Variants in DNAJC12 observed in about 807,000 individuals in gnomAD.
The protein encoded by DNAJC12 is DnaJ heat shock protein family (Hsp40) member C12.
In DNAJC12, 25 loss-of-function variants were observed where a neutral mutation model predicts 28.5. The ratio of observed to expected loss-of-function variants is 0.88; its 90% CI spans 0.64 to 1.22. The LOEUF is 1.22. Among genes scored for constraint, DNAJC12 ranks in the 50% most tolerant of loss-of-function variants. The probability of loss-of-function intolerance (pLI) is 0.00; values close to 1 mark genes in which losing one functional copy is unlikely to be tolerated. For missense variants in DNAJC12, 222 were observed against 231.7 expected, an observed-to-expected ratio of 0.96 and a Z score of 0.27; for synonymous variants, 77 against 80.6, an observed-to-expected ratio of 0.95 and a Z score of 0.24.
chr10:67,817,512 A>G (rs544292428), intron 2 of DNAJC12, among the ~76,000 whole-genome samples: 3 of 152,334 alleles, frequency 2.0e-5, no homozygotes, highest in Admixed American at 1.3e-4. Flanking sequence ...TTAATTAGAT[A>G]CATTTCAAAA....
intron 1 of DNAJC12, among the ~76,000 whole-genome samples, chr10:67,837,010 T>C (rs1842147958): frequency 6.6e-6 from 1 of 150,928 alleles, no homozygotes; most frequent in African/African-American, 2.4e-5. Context: ...TTATTTGAAA[T>C]ATTGAAAAAT....
Position 67,824,401 on chromosome 10 carries a change from CCTT to C in DNAJC12, c.79-1012_79-1010del, listed in dbSNP as rs533392961. On this transcript the variant is annotated intron_variant, in intron 1 of 4. Transcript: ENST00000225171. Reference sequence around the variant, plus strand: ...TTTATAAATTATCTATTATAAAGCTCCTTCTTCCTGTCTTTTGGTCTTTTTCTT... The same window carrying C: ...TTTATAAATTATCTATTATAAAGCTCCTTCCTGTCTTTTGGTCTTTTTCTT... Among the ~76,000 whole-genome samples, 5 of 151,984 alleles carry C rather than the reference CCTT, an allele frequency of 3.3e-5. No individual in the cohort carries two copies. In the East Asian group the frequency reaches 9.7e-4, roughly 29 times the overall value.
chr10:67,832,126 G>A (rs1286580070), intron 1 of DNAJC12, among the ~76,000 whole-genome samples: 2 of 152,152 alleles, frequency 1.3e-5, no homozygotes, highest in African/African-American at 4.8e-5. Flanking sequence ...TTAGCTGGGT[G>A]TGGTGGCGCA....
At chr10:67,824,141 C>T (rs1466769084) in intron 1 of DNAJC12, among the ~76,000 whole-genome samples, 2 of 151,054 alleles carry the variant, frequency 1.3e-5, no homozygotes, top group African/African-American at 4.9e-5. Context: ...GAGGCTGAGG[C>T]AGGAGAATCG....
chr10:67,808,345 G>C (rs1371974821), intron 3 of DNAJC12, among the ~76,000 whole-genome samples: 1 of 152,140 alleles, frequency 6.6e-6, no homozygotes, highest in Non-Finnish European at 1.5e-5. Context: ...AGCAAGCCTA[G>C]GTGCAAAGGC....
chr10:67,797,070 A>C lies in DNAJC12; in HGVS notation c.*46T>G, dbSNP rs1305051355. ...TAAACAAAGACTGCATGTTGGCAGCATAGGGGACAGTCTTGCTCTTCCTCA... is the reference window on the plus strand; with the variant it reads ...TAAACAAAGACTGCATGTTGGCAGCCTAGGGGACAGTCTTGCTCTTCCTCA... On this transcript the variant is annotated 3_prime_UTR_variant, in exon 5 of 5. Transcript: ENST00000225171. 6.8e-7 allele frequency: 1 copy of C among 1,478,834 alleles called. No homozygotes were observed. Among genetic ancestry groups the C allele is most frequent in the Non-Finnish European group, 9.4e-7 (1 of 1,065,610 alleles). The allele number at this position is 1,478,834 out of a possible 1,614,324, so 91.6% of individuals were successfully genotyped here.
chr10:67,801,162 C>T (rs965145144), intron 4 of DNAJC12, among the ~76,000 whole-genome samples: 8 of 152,106 alleles, frequency 5.3e-5, no homozygotes, highest in South Asian at 2.1e-4. Flanking sequence ...GGTGGCTGCT[C>T]ATCACAGAAG....
chr10:67,812,791 G>T (rs1841874266), intron 2 of DNAJC12, among the ~76,000 whole-genome samples: 1 of 151,510 alleles, frequency 6.6e-6, no homozygotes, highest in Non-Finnish European at 1.5e-5. Context: ...GGCAGAGGTT[G>T]CAGTGAGCCG....
At chr10:67,806,681 T>C (rs1841804275) in intron 3 of DNAJC12, among the ~76,000 whole-genome samples, 1 of 151,962 alleles carries the variant, frequency 6.6e-6, no homozygotes, top group African/African-American at 2.4e-5. Flanking sequence ...AAAAATTAGC[T>C]GGTCGTGGTG....
intron 2 of DNAJC12, among the ~76,000 whole-genome samples, chr10:67,822,396 G>A (rs1841989668): frequency 6.6e-6 from 1 of 152,208 alleles, no homozygotes; most frequent in African/African-American, 2.4e-5. Flanking sequence ...TACTCAGGCA[G>A]TCCTTGGTCT....
chr10:67,806,784 C>T (rs1460719023), intron 3 of DNAJC12, among the ~76,000 whole-genome samples: 1 of 149,604 alleles, frequency 6.7e-6, no homozygotes, highest in East Asian at 2.0e-4. Context: ...GAGATCGCAC[C>T]ATTGCACTCC....
chr10:67,821,182 T>C (rs1841977909), intron 2 of DNAJC12, among the ~76,000 whole-genome samples: 1 of 152,174 alleles, frequency 6.6e-6, no homozygotes, highest in African/African-American at 2.4e-5. Flanking sequence ...AAAGCACTTA[T>C]ACACACATGC....
intron 4 of DNAJC12, among the ~76,000 whole-genome samples, chr10:67,801,072 T>C (rs1237215524): frequency 6.6e-6 from 1 of 152,224 alleles, no homozygotes; most frequent in African/African-American, 2.4e-5. Flanking sequence ...AATGAGATTG[T>C]CTCGCACAGT....
intron 2 of DNAJC12, among the ~76,000 whole-genome samples, chr10:67,820,777 C>CTTTTTTTT (rs71006170): frequency 2.9e-5 from 2 of 68,516 alleles, no homozygotes; most frequent in Non-Finnish European, 2.8e-5. Context: ...TTCTTTTTTC[C>CTTTTTTTT]TTTTTTTTTT....
At chr10:67,806,824 CA>C (rs11364394) in intron 3 of DNAJC12, among the ~76,000 whole-genome samples, 111,601 of 122,084 alleles carry the variant, frequency 0.91, 51,298 homozygotes, top group East Asian at 0.98. Context: ...GACTCGGTCT[CA>C]AAAAAAAAAA....
At chr10:67,810,238 G>A (rs1841846034) in intron 3 of DNAJC12, among the ~76,000 whole-genome samples, 1 of 152,018 alleles carries the variant, frequency 6.6e-6, no homozygotes, top group African/African-American at 2.4e-5. Flanking sequence ...GAAAAGCAAG[G>A]GGGAAATCTG....
chr10:67,799,806 C>T (rs1841721144), intron 4 of DNAJC12, among the ~76,000 whole-genome samples: 1 of 150,292 alleles, frequency 6.7e-6, no homozygotes. Flanking sequence ...TCACTTGAAC[C>T]CAGGAGGCGG....
At chr10:67,817,029 T>C (rs1186982463) in intron 2 of DNAJC12, among the ~76,000 whole-genome samples, 1 of 151,706 alleles carries the variant, frequency 6.6e-6, no homozygotes, top group Non-Finnish European at 1.5e-5. Flanking sequence ...AAGGGATTTC[T>C]GGTGGCCTTA....
At chr10:67,816,148 G>T (rs928227082) in intron 2 of DNAJC12, 2 of 398,052 alleles carry the variant, frequency 5.0e-6, no homozygotes, top group African/African-American at 4.1e-5. Context: ...AAAATATAGA[G>T]GTTATTTTAA....
Sources: gnomAD v4.1 joint callset for allele counts (sites outside exome capture counted in the v4.1 genomes callset) on GRCh38, gnomAD v4.1.1 for gene constraint, MANE v1.5 for transcripts, NCBI Gene and HGNC (gene_info 2026-07-23, HGNC 2026-07-21) for gene names.